The following PDE1A variants were observed in gnomAD, a reference collection of about 807,000 sequenced individuals.
The protein encoded by PDE1A is dual specificity calcium/calmodulin-dependent 3',5'-cyclic nucleotide phosphodiesterase 1A.
A neutral mutation model predicts 61.7 loss-of-function variants in PDE1A; 35 were observed. The ratio of observed to expected loss-of-function variants is 0.57; its 90% CI spans 0.43 to 0.75. PDE1A has a LOEUF of 0.75. PDE1A is among the 30% of genes least tolerant of loss of function. PDE1A has a pLI of 0.00. For missense variants in PDE1A, 597 were observed against 630.6 expected, an observed-to-expected ratio of 0.95 and a Z score of 0.57; for synonymous variants, 232 against 213.2, an observed-to-expected ratio of 1.09 and a Z score of -0.77.
In PDE1A at chr2:182,211,865, T is replaced by G. The variant is rs185840891; in HGVS notation, c.777-5800A>C. Among the ~76,000 whole-genome samples the G allele has an allele frequency of 3.4e-3, 518 of 152,316 alleles. 2 individuals are homozygous for G. The highest frequency in any genetic ancestry group is 0.012 in the African/African-American group (504 of 41,562). ...GTATTAACCTTGTATTTTGCAACCCTGCTATAATCACTTAGTTCCAGGAGT... is the reference window on the plus strand; with the variant it reads ...GTATTAACCTTGTATTTTGCAACCCGGCTATAATCACTTAGTTCCAGGAGT... On this transcript the variant is annotated intron_variant, in intron 7 of 13. Transcript: ENST00000351439.
chr2:182,672,282 A>G, the PDE1A span, among the ~76,000 whole-genome samples: 5 of 152,244 alleles, frequency 3.3e-5, no homozygotes, highest in Non-Finnish European at 7.3e-5. Flanking sequence ...TTATATAAGC[A>G]TATTTTACTT....
intron 1 of PDE1A, among the ~76,000 whole-genome samples, chr2:182,372,234 T>C (rs1700161136): frequency 6.6e-6 from 1 of 152,238 alleles, no homozygotes; most frequent in Non-Finnish European, 1.5e-5. Flanking sequence ...TTTATACAAC[T>C]CATCTACTGC....
chr2:182,317,155 T>G (rs1034986084), intron 1 of PDE1A, among the ~76,000 whole-genome samples: 42 of 152,196 alleles, frequency 2.8e-4, no homozygotes, highest in African/African-American at 9.4e-4. Context: ...CATTTATACT[T>G]TATGACACGT....
the PDE1A span, among the ~76,000 whole-genome samples, chr2:182,594,867 C>T: frequency 6.6e-6 from 1 of 152,124 alleles, no homozygotes; most frequent in Non-Finnish European, 1.5e-5. Context: ...CCTTCATGCT[C>T]CTTATTAGTT....
intron 1 of PDE1A, among the ~76,000 whole-genome samples, chr2:182,350,142 T>A (rs1462341870): frequency 6.6e-6 from 1 of 152,306 alleles, no homozygotes; most frequent in Non-Finnish European, 1.5e-5. Flanking sequence ...CTGCCTATTT[T>A]TAAAATGCAT....
intron 2 of PDE1A, among the ~76,000 whole-genome samples, chr2:182,463,146 C>G (rs552604734): frequency 4.6e-5 from 7 of 151,638 alleles, no homozygotes; most frequent in African/African-American, 9.7e-5. Flanking sequence ...GAGGCTGAGG[C>G]GAGAATCCCT....
chr2:182,490,998 G>A (rs1455755863), intron 2 of PDE1A, among the ~76,000 whole-genome samples: 9 of 152,118 alleles, frequency 5.9e-5, no homozygotes, highest in Non-Finnish European at 1.3e-4. Context: ...GTTTGAGGAG[G>A]CAGGAAAAGG....
At chr2:182,371,896 G>A (rs765786810) in intron 1 of PDE1A, among the ~76,000 whole-genome samples, 13 of 152,014 alleles carry the variant, frequency 8.6e-5, no homozygotes, top group African/African-American at 2.7e-4. Context: ...GGGATCCTCC[G>A]ACCTCAGCCT....
the PDE1A span, among the ~76,000 whole-genome samples, chr2:182,603,089 AC>A: frequency 1.2e-4 from 18 of 152,216 alleles, no homozygotes; most frequent in East Asian, 2.3e-3. Flanking sequence ...GTCATCTTTG[AC>A]ATTAATTTGA....
chr2:182,301,747 G>A (rs548873955), intron 1 of PDE1A, among the ~76,000 whole-genome samples: 3 of 152,202 alleles, frequency 2.0e-5, no homozygotes, highest in Non-Finnish European at 4.4e-5. Context: ...GGAGCTCTTG[G>A]TGCCCCCAAG....
At chr2:182,562,089 CTG>C in the PDE1A span, among the ~76,000 whole-genome samples, 3 of 150,222 alleles carry the variant, frequency 2.0e-5, no homozygotes, top group Non-Finnish European at 4.5e-5. Flanking sequence ...ACTTCCAACA[CTG>C]TGTTGAATAG....
intron 6 of PDE1A, among the ~76,000 whole-genome samples, chr2:182,229,780 C>CTT (rs10716042): frequency 7.2e-6 from 1 of 139,282 alleles, no homozygotes. Flanking sequence ...TTTTGGGAAA[C>CTT]TTTTTTTTTT....
intron 1 of PDE1A, among the ~76,000 whole-genome samples, chr2:182,303,499 G>T (rs1695376987): frequency 6.6e-6 from 1 of 152,174 alleles, no homozygotes; most frequent in African/African-American, 2.4e-5. Context: ...TGTCATCCAG[G>T]CTTGATCGTT....
chr2:182,557,183 T>G, the PDE1A span, among the ~76,000 whole-genome samples: 1 of 152,026 alleles, frequency 6.6e-6, no homozygotes, highest in Non-Finnish European at 1.5e-5. Flanking sequence ...GTGGTGGAGG[T>G]TGCAGTGAGT....
chr2:182,575,106 CA>C, the PDE1A span, among the ~76,000 whole-genome samples: 1 of 152,190 alleles, frequency 6.6e-6, no homozygotes, highest in Non-Finnish European at 1.5e-5. Context: ...TTGCTTTAAG[CA>C]AGCACCTCAG....
At chr2:182,582,569 T>C in the PDE1A span, among the ~76,000 whole-genome samples, 2 of 152,190 alleles carry the variant, frequency 1.3e-5, no homozygotes, top group East Asian at 1.9e-4. Context: ...AGTAAGGATA[T>C]ATGGACAAAA....
intron 2 of PDE1A, among the ~76,000 whole-genome samples, chr2:182,250,319 A>G (rs989344542): frequency 6.6e-6 from 1 of 152,246 alleles, no homozygotes; most frequent in African/African-American, 2.4e-5. Flanking sequence ...GTTTTCTCAT[A>G]GAGAAATATA....
rs180709633 is a variant in PDE1A, at chr2:182,476,656, G to A, written c.101+45620C>T. On this transcript the variant is annotated intron_variant, in intron 2 of 14. Coordinates refer to the PDE1A transcript ENST00000410103. ...ATAAAATTAATGTGGAATGTTGCAG[G>A]ATAGCAAAAGTAGAATCAAAGCTTA... 3.3e-5 allele frequency among the ~76,000 whole-genome samples: 5 copies of A among 151,940 alleles called. No homozygotes were observed. In the East Asian group the frequency reaches 9.8e-4, roughly 30 times the overall value.
At chr2:182,409,339 G>C (rs1702480635) in intron 1 of PDE1A, among the ~76,000 whole-genome samples, 1 of 152,028 alleles carries the variant, frequency 6.6e-6, no homozygotes, top group Non-Finnish European at 1.5e-5. Flanking sequence ...AACTTAATTA[G>C]ATAACCAATT....
Sources: allele counts gnomAD v4.1 joint callset (sites outside exome capture counted in the v4.1 genomes callset), GRCh38; gene constraint gnomAD v4.1.1; transcripts MANE v1.5; gene names NCBI Gene and HGNC (gene_info 2026-07-23, HGNC 2026-07-21).